Variants in AGBL4 observed in about 807,000 individuals in gnomAD.
AGBL4 encodes cytosolic carboxypeptidase 6.
AGBL4 carries 58 observed loss-of-function variants against 66.4 expected under a neutral mutation model. The ratio of observed to expected loss-of-function variants is 0.87; its 90% CI spans 0.71 to 1.09. AGBL4 has a LOEUF of 1.09. Among genes scored for constraint, AGBL4 ranks in the 50% least tolerant of loss-of-function variants. The pLI is 0.00. For missense variants in AGBL4, 579 were observed against 631.0 expected, an observed-to-expected ratio of 0.92 and a Z score of 0.88; for synonymous variants, 234 against 222.9, an observed-to-expected ratio of 1.05 and a Z score of -0.44.
chr1:49,843,239 G>C (rs1450814197), intron 2 of AGBL4, among the ~76,000 whole-genome samples: 1 of 152,060 alleles, frequency 6.6e-6, no homozygotes, highest in Non-Finnish European at 1.5e-5. Flanking sequence ...TGATCCTCCT[G>C]CCTCGGCCTC....
At chr1:49,119,329 G>A (rs1247220119) in intron 4 of AGBL4, among the ~76,000 whole-genome samples, 1 of 152,118 alleles carries the variant, frequency 6.6e-6, no homozygotes, top group Non-Finnish European at 1.5e-5. Flanking sequence ...TCTCTTGTGG[G>A]TATTCAGTGC....
intron 6 of AGBL4, among the ~76,000 whole-genome samples, chr1:48,836,240 C>G (rs1452604390): frequency 1.3e-5 from 2 of 150,936 alleles, no homozygotes; most frequent in Non-Finnish European, 3.0e-5. Flanking sequence ...TGCACAAATC[C>G]CTTTCTGGGG....
At chr1:48,585,967 G>C (rs1463374944) in intron 11 of AGBL4, 10 of 152,182 alleles carry the variant, frequency 6.6e-5, no homozygotes. Flanking sequence ...TCTACCTCCA[G>C]GGAGGGGGAA....
intron 1 of AGBL4, among the ~76,000 whole-genome samples, chr1:49,935,256 T>G (rs1653838975): frequency 6.6e-6 from 1 of 152,292 alleles, no homozygotes; most frequent in South Asian, 2.1e-4. Context: ...GAGATCAAAC[T>G]GCAAGGCGGC....
At chr1:49,063,625 A>G (rs932322947) in intron 4 of AGBL4, among the ~76,000 whole-genome samples, 4 of 152,246 alleles carry the variant, frequency 2.6e-5, no homozygotes, top group African/African-American at 4.8e-5. Flanking sequence ...GAACAAATAT[A>G]CAAACATATA....
chr1:48,537,572 C>A (rs1437465960), intron 12 of AGBL4, among the ~76,000 whole-genome samples: 2 of 152,172 alleles, frequency 1.3e-5, no homozygotes, highest in Non-Finnish European at 2.9e-5. Context: ...TGACTCTGAC[C>A]AGCTCCTTCT....
chr1:48,923,096 A>T (rs1287838477), intron 5 of AGBL4, among the ~76,000 whole-genome samples: 2 of 150,592 alleles, frequency 1.3e-5, no homozygotes, highest in Non-Finnish European at 3.0e-5. Context: ...AAAATTAAAA[A>T]AAATATATAA....
intron 6 of AGBL4, among the ~76,000 whole-genome samples, chr1:48,738,884 G>C (rs1649479855): frequency 6.6e-6 from 1 of 152,092 alleles, no homozygotes; most frequent in South Asian, 2.1e-4. Context: ...GACCTTAAGA[G>C]ATGGAAATAG....
At chr1:48,876,275 CT>C (rs1241359134) in intron 5 of AGBL4, among the ~76,000 whole-genome samples, 2 of 152,116 alleles carry the variant, frequency 1.3e-5, no homozygotes, top group Admixed American at 6.5e-5. Context: ...CTAAAGAGGA[CT>C]GGATAAACAG....
chr1:48,702,116 T>A (rs1475632062), intron 6 of AGBL4, among the ~76,000 whole-genome samples: 2 of 152,188 alleles, frequency 1.3e-5, no homozygotes, highest in Admixed American at 1.3e-4. Context: ...GAAAACACTT[T>A]ACTTCCTGCA....
chr1:49,141,499 A>T lies in AGBL4; in HGVS notation c.378-95699T>A, dbSNP rs1479842783. Among the ~76,000 whole-genome samples the T allele has an allele frequency of 5.9e-5, 9 of 152,148 alleles. No individual in the cohort carries two copies. The South Asian group carries it at 1.9e-3, about 32-fold the overall frequency. The stretch of plus-strand genomic sequence containing the variant: ...GCTTATCCTTGCAGAACTTGAGGTG[A>T]CACCCTTGTAAATTGTCCCTTTATT... On this transcript the variant is annotated intron_variant, in intron 4 of 13. Transcript: ENST00000371839.
chr1:49,053,731 G>T (rs954896862), intron 4 of AGBL4, among the ~76,000 whole-genome samples: 1 of 151,804 alleles, frequency 6.6e-6, no homozygotes, highest in Non-Finnish European at 1.5e-5. Flanking sequence ...CCTTTTATCC[G>T]CAATGAGCTC....
intron 3 of AGBL4, among the ~76,000 whole-genome samples, chr1:49,575,537 G>C (rs868654114): frequency 1.3e-5 from 2 of 152,206 alleles, no homozygotes; most frequent in African/African-American, 2.4e-5. Flanking sequence ...AAAGATGCAG[G>C]TGTGGTGATT....
chr1:48,563,691 C>T (rs1218865635), intron 11 of AGBL4, among the ~76,000 whole-genome samples: 1 of 152,092 alleles, frequency 6.6e-6, no homozygotes, highest in African/African-American at 2.4e-5. Flanking sequence ...TAGAAAAATA[C>T]ATTTCTTAAA....
At chr1:49,486,092 T>C (rs1248725118) in intron 3 of AGBL4, among the ~76,000 whole-genome samples, 3 of 151,960 alleles carry the variant, frequency 2.0e-5, no homozygotes, top group African/African-American at 7.2e-5. Flanking sequence ...AAGGAGTCTG[T>C]GGAGTGAGTC....
chr1:48,550,769 G>T (rs1413568180), intron 11 of AGBL4, among the ~76,000 whole-genome samples: 4 of 147,868 alleles, frequency 2.7e-5, no homozygotes, highest in Admixed American at 2.0e-4. Flanking sequence ...CACCTTGCTG[G>T]GTGCTCCACC....
At chr1:48,714,738 G>A (rs1647021868) in intron 6 of AGBL4, among the ~76,000 whole-genome samples, 1 of 152,160 alleles carries the variant, frequency 6.6e-6, no homozygotes, top group South Asian at 2.1e-4. Flanking sequence ...TAGCCTATGA[G>A]GCCTGTGTGC....
At chr1:49,314,561 T>C (rs889588941) in intron 3 of AGBL4, among the ~76,000 whole-genome samples, 1 of 152,116 alleles carries the variant, frequency 6.6e-6, no homozygotes, top group Non-Finnish European at 1.5e-5. Flanking sequence ...GGACATGAAC[T>C]CATCTTTTTT....
At position 49,595,461 on chromosome 1, in the gene AGBL4, G is replaced by C. The variant is rs1048479105; in HGVS notation, c.282+101852C>G. ...AGGCTTATAAAATTTGTTTAAAGTT[G>C]TATTCTCTCAATATTATTTGTCTAC... is the stretch of plus-strand genomic sequence containing the variant. On this transcript the variant is annotated intron_variant, in intron 3 of 13. Transcript: ENST00000371839. Among the ~76,000 whole-genome samples the C allele has an allele frequency of 2.0e-5, 3 of 151,700 alleles. No homozygotes were observed. The East Asian group carries it at 5.8e-4, about 29-fold the overall frequency.
Sources: allele counts gnomAD v4.1 joint callset (sites outside exome capture counted in the v4.1 genomes callset), GRCh38; gene constraint gnomAD v4.1.1; transcripts MANE v1.5; gene names NCBI Gene and HGNC (gene_info 2026-07-23, HGNC 2026-07-21).